The following CEP135 variants were observed in gnomAD, a reference collection of about 807,000 sequenced individuals.
The protein encoded by CEP135 is centrosomal protein 135.
CEP135 carries 142 observed loss-of-function variants against 157.3 expected under a neutral mutation model. That is an observed-to-expected ratio of 0.90 (90% CI 0.79 to 1.04). CEP135 has a LOEUF of 1.04. CEP135 is among the 50% of genes least tolerant of loss of function. The pLI, the probability that CEP135 is intolerant of heterozygous loss-of-function variation, is 0.00. For synonymous variants in CEP135, 396 were observed against 439.8 expected, an observed-to-expected ratio of 0.90 and a Z score of 1.25; for missense variants, 1,317 against 1,309.2, an observed-to-expected ratio of 1.01 and a Z score of -0.09.
In CEP135 at chr4:56,024,502, G is replaced by C; in HGVS notation, c.3322G>C (p.Glu1108Gln). ...CTCTTGTTTGATCTTTACTAACAGA[G>C]AACGAGCAATCCAAGAGATGCGTCG... ...RQISTERYER[E>Q]RAIQEMRRHG... The change falls in exon 25 of 26, where the codon GAA becomes CAA. Residue 1108 changes from glutamate (E) to glutamine (Q), a missense_variant and splice_region_variant. Transcript: ENST00000257287. The C allele has an allele frequency of 6.2e-7, 1 of 1,612,498 alleles. No individual in the cohort carries two copies. Among genetic ancestry groups the C allele is most frequent in the Non-Finnish European group, 8.5e-7 (1 of 1,178,760 alleles).
At chr4:56,003,299 G>T (rs926326547) in intron 17 of CEP135, among the ~76,000 whole-genome samples, 1 of 151,850 alleles carries the variant, frequency 6.6e-6, no homozygotes, top group African/African-American at 2.4e-5. Flanking sequence ...GCCGCCTCCC[G>T]GGTTCACGCC....
rs2109760482 is a variant in CEP135 at position 56,031,467 on chromosome 4, A to G, written c.*119A>G. The G allele has an allele frequency of 6.5e-6, 1 of 152,704 alleles. No homozygotes were observed. The highest frequency in any genetic ancestry group is 3.4e-3 in the Middle Eastern group (1 of 294). 9.5% of individuals were successfully genotyped at this position (152,704 alleles called of 1,614,324 possible). A position where few individuals can be genotyped will look rare whatever the true frequency, so the allele number is the denominator to read the frequency against. On this transcript the variant is annotated 3_prime_UTR_variant, in exon 26 of 26. Coordinates refer to ENST00000257287, the MANE Select transcript of CEP135 (RefSeq NM_025009.5). ...AATCATGAACATGGACACAAATTCT[A>G]CCTCTGTCAACTTTTATTTAAATCA...
chr4:55,994,686 C>CTTTTTT (rs1167874369), intron 15 of CEP135, among the ~76,000 whole-genome samples: 1 of 139,914 alleles, frequency 7.1e-6, no homozygotes, highest in African/African-American at 2.6e-5. Flanking sequence ...CAAGCATAAT[C>CTTTTTT]TTTTTTTTTT....
At chr4:56,002,909 A>G (rs1007169089) in intron 17 of CEP135, among the ~76,000 whole-genome samples, 4 of 152,188 alleles carry the variant, frequency 2.6e-5, no homozygotes, top group Admixed American at 2.0e-4. Context: ...ATTACATGCT[A>G]TTGGTTTGTT....
At chr4:55,959,443 C>T (rs1728609336) in intron 5 of CEP135, among the ~76,000 whole-genome samples, 2 of 152,062 alleles carry the variant, frequency 1.3e-5, no homozygotes, top group South Asian at 4.1e-4. Context: ...TGAGGTGTTT[C>T]TTGCACAGTG....
intron 15 of CEP135, among the ~76,000 whole-genome samples, chr4:55,998,022 T>A (rs2109711369): frequency 6.6e-6 from 1 of 152,348 alleles, no homozygotes; most frequent in Middle Eastern, 3.4e-3. Flanking sequence ...CACTTGCTGT[T>A]AGAACAGTCA....
intron 8 of CEP135, 55 bp downstream of exon 8, chr4:55,965,914 G>T (rs1444496105): frequency 3.5e-6 from 5 of 1,416,158 alleles, no homozygotes; most frequent in South Asian, 1.2e-5. Flanking sequence ...CCTAGCACAC[G>T]GTAAGCTTGA....
chr4:56,025,294 C>A (rs1731120917), intron 25 of CEP135, among the ~76,000 whole-genome samples: 1 of 152,034 alleles, frequency 6.6e-6, no homozygotes, highest in Admixed American at 6.6e-5. Flanking sequence ...TAAATTATAC[C>A]TGAATTTAAA....
At chr4:56,002,806 A>G (rs897751244) in intron 17 of CEP135, among the ~76,000 whole-genome samples, 17 of 152,090 alleles carry the variant, frequency 1.1e-4, no homozygotes, top group African/African-American at 3.6e-4. Context: ...AGGAATTGGT[A>G]TTAGTTCTTT....
At chr4:56,029,868 C>G (rs1416582832) in intron 25 of CEP135, among the ~76,000 whole-genome samples, 1 of 152,132 alleles carries the variant, frequency 6.6e-6, no homozygotes, top group Non-Finnish European at 1.5e-5. Flanking sequence ...CTGGGTGAGT[C>G]AGTGAGTGAG....
Position 56,011,877 on chromosome 4 carries a change from T to G in CEP135, c.2694T>G (p.His898Gln), listed in dbSNP as rs565897697. ...CTGAAGACTGGGAGGTCAAAGCCCA[T>G]CAAGCTGAGGGAGAAAGCAGCTCAG... ...NRAEDWEVKA[H>Q]QAEGESSSVR... Residue 898 changes from histidine to glutamine, a missense_variant, in exon 21 of 26, where the codon CAT (histidine) becomes CAG (glutamine). Physicochemically the swap from His to Gln is conservative, Grantham distance 24. Coordinates refer to ENST00000257287, the MANE Select transcript of CEP135 (RefSeq NM_025009.5). The G allele has an allele frequency of 6.2e-7, 1 of 1,607,992 alleles. No homozygotes were observed. The highest frequency in any genetic ancestry group is 1.1e-5 in the South Asian group (1 of 90,350).
intron 17 of CEP135, among the ~76,000 whole-genome samples, chr4:56,004,438 G>C (rs755208968): frequency 6.6e-5 from 10 of 152,278 alleles, no homozygotes; most frequent in Admixed American, 5.2e-4. Flanking sequence ...CTAGTGTATA[G>C]ATTAACTCCA....
chr4:55,957,144 G>A lies in CEP135; in HGVS notation c.473-79G>A, dbSNP rs767702704. The A allele has an allele frequency of 5.9e-4, 881 of 1,489,530 alleles. 4 individuals carry two copies. The highest frequency in any genetic ancestry group is 7.1e-4 in the Middle Eastern group (4 of 5,666). The allele number at this position is 1,489,530 out of a possible 1,614,324, so 92.3% of individuals were successfully genotyped here. A position where few individuals can be genotyped will look rare whatever the true frequency, so the allele number is the denominator to read the frequency against. On this transcript the variant is annotated intron_variant, in intron 4 of 25. Transcript: ENST00000257287. Reference sequence around the variant, plus strand: ...TGAACTGCAGACACACTTTATAACCGAAAGGCTAACCTGGAATATTTAATT... The same window carrying A: ...TGAACTGCAGACACACTTTATAACCAAAAGGCTAACCTGGAATATTTAATT...
At chr4:55,950,120 A>G (rs1416577566) in intron 1 of CEP135, among the ~76,000 whole-genome samples, 1 of 152,216 alleles carries the variant, frequency 6.6e-6, no homozygotes, top group Non-Finnish European at 1.5e-5. Flanking sequence ...TAGGAAATCT[A>G]TGAGGAAGCC....
intron 14 of CEP135, among the ~76,000 whole-genome samples, chr4:55,986,094 C>T (rs966606048): frequency 3.3e-5 from 5 of 152,068 alleles, no homozygotes; most frequent in South Asian, 2.1e-4. Context: ...TTTCTTTATT[C>T]GTAAGTAAGA....
intron 17 of CEP135, among the ~76,000 whole-genome samples, chr4:56,007,519 C>G (rs1445075744): frequency 1.3e-5 from 2 of 152,150 alleles, no homozygotes; most frequent in East Asian, 3.9e-4. Context: ...GAAGAGTTTC[C>G]AGGGATGAGG....
At chr4:55,988,299 T>C (rs555160527) in intron 14 of CEP135, among the ~76,000 whole-genome samples, 5 of 152,032 alleles carry the variant, frequency 3.3e-5, no homozygotes, top group African/African-American at 1.2e-4. Context: ...AAGAATCACA[T>C]AGAAGTTTTA....
intron 14 of CEP135, among the ~76,000 whole-genome samples, chr4:55,991,480 T>C (rs1001865610): frequency 9.9e-5 from 15 of 152,154 alleles, no homozygotes; most frequent in African/African-American, 3.4e-4. Context: ...AACATTGTGT[T>C]GCCTGTACAT....
At chr4:56,021,485 C>T (rs538914054) in intron 24 of CEP135, among the ~76,000 whole-genome samples, 78 of 152,142 alleles carry the variant, frequency 5.1e-4, no homozygotes, top group African/African-American at 1.8e-3. Context: ...TGTTACTAAC[C>T]CGGATTGAGA....
Sources: allele counts gnomAD v4.1 joint callset (sites outside exome capture counted in the v4.1 genomes callset), GRCh38; gene constraint gnomAD v4.1.1; transcripts MANE v1.5; gene names NCBI Gene and HGNC (gene_info 2026-07-23, HGNC 2026-07-21).